MYO3B: variants seen among roughly 807,000 people sequenced by gnomAD.
The protein encoded by MYO3B is myosin IIIB, also known as myosin-IIIb.
A neutral mutation model predicts 174.6 loss-of-function variants in MYO3B; 156 were observed. That is an observed-to-expected ratio of 0.89 (90% confidence interval 0.78 to 1.02). The LOEUF (loss-of-function observed/expected upper bound fraction) is 1.02, where lower values mean the gene tolerates loss of function less well. Ranked by LOEUF, MYO3B falls within the 50% of genes least tolerant of loss-of-function variation. The pLI, the probability that MYO3B is intolerant of heterozygous loss-of-function variation, is 0.00. For missense variants in MYO3B, 1,632 were observed against 1,639.4 expected (o/e 1.00, Z 0.08); for synonymous variants, 563 against 569.1 (o/e 0.99, Z 0.15).
rs552435760 is a variant in MYO3B at position 170,473,537 on chromosome 2, TG to T, written c.3014+6827del. On this transcript the variant is annotated intron_variant, in intron 25 of 34. Transcript: ENST00000408978. ...GACAGATACCTAGAACTGGCTTTGTTGAGGTTAAGTTTTCCTTGTACTGTAG... is the reference window on the plus strand; with the variant it reads ...GACAGATACCTAGAACTGGCTTTGTTAGGTTAAGTTTTCCTTGTACTGTAG... 7.2e-5 allele frequency among the ~76,000 whole-genome samples: 11 copies of T among 152,292 alleles called. No homozygotes were observed. In the South Asian group the frequency reaches 2.3e-3, roughly 32 times the overall value.
chr2:170,249,244 C>A (rs561734544), intron 7 of MYO3B, among the ~76,000 whole-genome samples: 11 of 152,332 alleles, frequency 7.2e-5, no homozygotes, highest in African/African-American at 2.6e-4. Flanking sequence ...CATTTTGGCT[C>A]TCCTCTCTCA....
At chr2:170,433,654 T>C (rs2094728833) in intron 22 of MYO3B, among the ~76,000 whole-genome samples, 2 of 152,208 alleles carry the variant, frequency 1.3e-5, no homozygotes, top group African/African-American at 4.8e-5. Context: ...ATCTCAGACA[T>C]GTAAGCATGA....
chr2:170,500,194 T>A (rs1687170098), intron 27 of MYO3B, among the ~76,000 whole-genome samples: 1 of 152,120 alleles, frequency 6.6e-6, no homozygotes, highest in African/African-American at 2.4e-5. Flanking sequence ...ATGCAAGTCA[T>A]AAAAAGTGTG....
At chr2:170,624,004 T>C (rs905700123) in intron 32 of MYO3B, among the ~76,000 whole-genome samples, 3 of 152,178 alleles carry the variant, frequency 2.0e-5, no homozygotes, top group African/African-American at 4.8e-5. Flanking sequence ...AGTCAGGTAG[T>C]GTGATGCCTC....
chr2:170,415,422 C>T (rs539034118), intron 22 of MYO3B, among the ~76,000 whole-genome samples: 3 of 152,342 alleles, frequency 2.0e-5, no homozygotes, highest in African/African-American at 7.2e-5. Context: ...ACCTTACATA[C>T]TACATACATT....
intron 32 of MYO3B, among the ~76,000 whole-genome samples, chr2:170,572,730 C>T (rs1692522828): frequency 6.6e-6 from 1 of 152,048 alleles, no homozygotes; most frequent in Non-Finnish European, 1.5e-5. Context: ...GGCAGATATT[C>T]CACTGGATAA....
chr2:170,652,170 C>T lies in MYO3B; in HGVS notation c.3887+16C>T. On this transcript the variant is annotated intron_variant, in intron 34 of 34. Coordinates refer to ENST00000408978, the MANE Select transcript of MYO3B (RefSeq NM_138995.5). ...GAAAACTTGGGTAAATATCTGTCTT[C>T]TTAGTTCTAAGCAACTGTAAACAGA... is the stretch of plus-strand genomic sequence containing the variant. The T allele has an allele frequency of 1.9e-6, 3 of 1,612,806 alleles. No homozygotes were observed. The highest frequency in any genetic ancestry group is 2.5e-6 in the Non-Finnish European group (3 of 1,179,176).
chr2:170,185,318 TAA>T (rs937389463), intron 1 of MYO3B, among the ~76,000 whole-genome samples: 6 of 152,228 alleles, frequency 3.9e-5, no homozygotes, highest in African/African-American at 1.4e-4. Context: ...GTCTTAGACT[TAA>T]GTCTTTAATC....
chr2:170,463,290 C>A, intron 23 of MYO3B, 78 bp from the exon 24 acceptor site: 1 of 1,310,186 alleles, frequency 7.6e-7, no homozygotes, highest in Non-Finnish European at 1.1e-6. Flanking sequence ...GCCAAACAGG[C>A]TTTCGGATTT....
At chr2:170,587,926 C>A (rs1332225729) in intron 32 of MYO3B, among the ~76,000 whole-genome samples, 1 of 152,180 alleles carries the variant, frequency 6.6e-6, no homozygotes, top group Non-Finnish European at 1.5e-5. Context: ...CTTGTCAGAG[C>A]AAATTTTCAG....
chr2:170,405,325 G>A (rs1325470760), intron 20 of MYO3B, among the ~76,000 whole-genome samples: 3 of 152,150 alleles, frequency 2.0e-5, no homozygotes, highest in African/African-American at 7.2e-5. Flanking sequence ...GAGAATATAC[G>A]ATCTTAGAGC....
chr2:170,651,831 C>T, intron 33 of MYO3B, 97 bp downstream of exon 33: 3 of 913,370 alleles, frequency 3.3e-6, no homozygotes, highest in Non-Finnish European at 5.3e-6. Context: ...GCCCCACCCC[C>T]ACCCTCATGC....
chr2:170,237,924 T>C (rs2093089765), intron 7 of MYO3B, among the ~76,000 whole-genome samples: 1 of 152,248 alleles, frequency 6.6e-6, no homozygotes, highest in Non-Finnish European at 1.5e-5. Flanking sequence ...TGATTATGTG[T>C]GCTCATGTGT....
chr2:170,480,912 A>G (rs1381583036), intron 25 of MYO3B, among the ~76,000 whole-genome samples: 24 of 152,100 alleles, frequency 1.6e-4, no homozygotes, highest in Non-Finnish European at 2.9e-5. Flanking sequence ...ACATCCTTTA[A>G]CTCTCGCAAA....
intron 30 of MYO3B, among the ~76,000 whole-genome samples, chr2:170,522,520 A>G (rs1339038303): frequency 1.3e-5 from 2 of 152,118 alleles, no homozygotes; most frequent in African/African-American, 2.4e-5. Context: ...CATTTCTCAC[A>G]CCTGATCAAT....
At chr2:170,559,245 TAA>T (rs1691551187) in intron 32 of MYO3B, among the ~76,000 whole-genome samples, 2 of 152,210 alleles carry the variant, frequency 1.3e-5, no homozygotes, top group South Asian at 4.1e-4. Context: ...AGGCTATTCT[TAA>T]GGGCTCATTG....
intron 32 of MYO3B, among the ~76,000 whole-genome samples, chr2:170,633,279 A>G (rs986253268): frequency 7.2e-5 from 11 of 152,206 alleles, no homozygotes; most frequent in African/African-American, 2.4e-4. Context: ...CACCAAAATC[A>G]ATTTGGATTC....
chr2:170,422,747 T>C (rs1480472563), intron 22 of MYO3B, among the ~76,000 whole-genome samples: 5 of 152,042 alleles, frequency 3.3e-5, no homozygotes, highest in Admixed American at 6.5e-5. Context: ...TGAGCCACCA[T>C]ACCCAGCAGC....
rs1008533220 is a variant in MYO3B, at chr2:170,519,452, G to A, written c.3487G>A (p.Val1163Ile). Reference sequence around the variant, plus strand: ...TTTTCTCTCAGTTCTCAGGGGCTCTGTACATCGTAGGAGCCATTCACAAGC... The same window carrying A: ...TTTTCTCTCAGTTCTCAGGGGCTCTATACATCGTAGGAGCCATTCACAAGC... Reference protein sequence around the residue: ...PGDHKVLRGSVHRRSHSQAES... With the variant: ...PGDHKVLRGSIHRRSHSQAES... Residue 1163 changes from valine to isoleucine, a missense_variant, in exon 30 of 35, where the codon GTA becomes ATA. Transcript: ENST00000408978. The A allele has an allele frequency of 7.4e-6, 12 of 1,613,552 alleles. No individual in the cohort carries two copies. The highest frequency in any genetic ancestry group is 9.3e-6 in the Non-Finnish European group (11 of 1,179,724).
Sources: gnomAD v4.1 joint callset for allele counts (sites outside exome capture counted in the v4.1 genomes callset) on GRCh38, gnomAD v4.1.1 for gene constraint, MANE v1.5 for transcripts, NCBI Gene and HGNC (gene_info 2026-07-23, HGNC 2026-07-21) for gene names.